Variants in CNIH3 observed in about 807,000 individuals in gnomAD.
The protein encoded by CNIH3 is protein cornichon homolog 3.
In CNIH3, 14 loss-of-function variants were observed where a neutral mutation model predicts 24.1. The ratio of observed to expected loss-of-function variants is 0.58; its 90% CI spans 0.38 to 0.91. The LOEUF is 0.91. Ranked by LOEUF, CNIH3 falls within the 40% of genes least tolerant of loss-of-function variation. The pLI is 0.00. For synonymous variants in CNIH3, 68 were observed against 73.8 expected, an observed-to-expected ratio of 0.92 and a Z score of 0.40; for missense variants, 178 against 196.8, an observed-to-expected ratio of 0.90 and a Z score of 0.57.
intron 1 of CNIH3, among the ~76,000 whole-genome samples, chr1:224,494,641 C>T (rs759738763): frequency 4.6e-4 from 70 of 152,200 alleles, no homozygotes; most frequent in Non-Finnish European, 8.5e-4. Flanking sequence ...ATGGTTCTTT[C>T]GGGGTTCCTT....
At chr1:224,736,471 A>C (rs1300854777) in intron 5 of CNIH3, among the ~76,000 whole-genome samples, 1 of 152,230 alleles carries the variant, frequency 6.6e-6, no homozygotes, top group Non-Finnish European at 1.5e-5. Flanking sequence ...AAAAGTCTTC[A>C]TCAAAGTGTG....
chr1:224,561,904 A>G (rs72760314), intron 3 of CNIH3, among the ~76,000 whole-genome samples: 4 of 152,328 alleles, frequency 2.6e-5, no homozygotes, highest in Non-Finnish European at 5.9e-5. Context: ...AGTTCAGGCC[A>G]AAAGAGAATG....
intron 5 of CNIH3, among the ~76,000 whole-genome samples, chr1:224,734,928 G>A (rs1689518641): frequency 1.3e-5 from 2 of 152,136 alleles, no homozygotes; most frequent in Admixed American, 1.3e-4. Context: ...CTGCTGATCG[G>A]CACATCCTTA....
At chr1:224,583,099 G>C (rs111895780) in intron 4 of CNIH3, 1 of 152,172 alleles carries the variant, frequency 6.6e-6, no homozygotes, top group Non-Finnish European at 1.5e-5. Flanking sequence ...GTTATTCTGG[G>C]TCCACTTGAG....
chr1:224,707,985 G>A (rs1040812893), intron 3 of CNIH3, among the ~76,000 whole-genome samples: 3 of 152,058 alleles, frequency 2.0e-5, no homozygotes, highest in Non-Finnish European at 4.4e-5. Context: ...ACTGTTGCAG[G>A]GTCCTCCTGC....
At chr1:224,607,743 T>C (rs1181169701) in intron 3 of CNIH3, among the ~76,000 whole-genome samples, 1 of 152,100 alleles carries the variant, frequency 6.6e-6, no homozygotes, top group African/African-American at 2.4e-5. Flanking sequence ...TACAAGGAGT[T>C]TCCTCCTGAG....
At chr1:224,626,215 G>T (rs999123553) in intron 1 of CNIH3, among the ~76,000 whole-genome samples, 3 of 152,196 alleles carry the variant, frequency 2.0e-5, no homozygotes, top group African/African-American at 7.2e-5. Flanking sequence ...GATCTGCAGG[G>T]TTGGAAGTGG....
At chr1:224,482,438 T>C (rs1437665133) in intron 1 of CNIH3, among the ~76,000 whole-genome samples, 1 of 152,066 alleles carries the variant, frequency 6.6e-6, no homozygotes, top group East Asian at 1.9e-4. Flanking sequence ...GCTCAAGGGC[T>C]CTTTAGTCAG....
intron 1 of CNIH3, among the ~76,000 whole-genome samples, chr1:224,641,051 T>A (rs1447538761): frequency 6.6e-6 from 1 of 152,216 alleles, no homozygotes; most frequent in East Asian, 1.9e-4. Flanking sequence ...GCAAGTGCAA[T>A]TCCTCAGGGG....
chr1:224,477,392 T>A (rs112933252), intron 1 of CNIH3, among the ~76,000 whole-genome samples: 243 of 152,368 alleles, frequency 1.6e-3, no homozygotes, highest in African/African-American at 5.7e-3. Flanking sequence ...AGGAGATTCT[T>A]CTGCCTGCTT....
At chr1:224,499,568 T>C (rs1677570584) in intron 1 of CNIH3, among the ~76,000 whole-genome samples, 1 of 152,196 alleles carries the variant, frequency 6.6e-6, no homozygotes, top group Non-Finnish European at 1.5e-5. Context: ...TTCAATGGGA[T>C]TTCCTACTGC....
intron 1 of CNIH3, among the ~76,000 whole-genome samples, chr1:224,660,717 C>T (rs1215622056): frequency 6.6e-6 from 1 of 152,100 alleles, no homozygotes; most frequent in Non-Finnish European, 1.5e-5. Flanking sequence ...AAGTATATTA[C>T]CATTAACGCA....
chr1:224,727,199 A>G (rs375168173), intron 3 of CNIH3, among the ~76,000 whole-genome samples: 3 of 152,202 alleles, frequency 2.0e-5, no homozygotes, highest in East Asian at 1.9e-4. Context: ...GAAGAGCACA[A>G]CTTTGCTTTT....
chr1:224,737,338 C>T (rs1018046133), intron 5 of CNIH3, among the ~76,000 whole-genome samples: 6 of 152,182 alleles, frequency 3.9e-5, no homozygotes, highest in Non-Finnish European at 7.4e-5. Context: ...TAATTCATTA[C>T]TTCAGTTTGG....
chr1:224,478,618 C>T (rs759270918), intron 1 of CNIH3, among the ~76,000 whole-genome samples: 2 of 152,140 alleles, frequency 1.3e-5, no homozygotes, highest in African/African-American at 2.4e-5. Flanking sequence ...TGAAAGGTCA[C>T]ATATCTCTGT....
intron 3 of CNIH3, among the ~76,000 whole-genome samples, chr1:224,728,439 C>T (rs1023899085): frequency 3.9e-5 from 6 of 152,162 alleles, no homozygotes; most frequent in African/African-American, 7.2e-5. Context: ...GTGGTACCTG[C>T]TTCACCCACC....
chr1:224,702,478 C>T (rs1687550132), intron 3 of CNIH3, among the ~76,000 whole-genome samples: 1 of 152,198 alleles, frequency 6.6e-6, no homozygotes, highest in African/African-American at 2.4e-5. Context: ...GTGTCTGTTT[C>T]CCCACACCAG....
intron 1 of CNIH3, among the ~76,000 whole-genome samples, chr1:224,481,108 G>T (rs1442291102): frequency 6.6e-6 from 1 of 152,236 alleles, no homozygotes; most frequent in Non-Finnish European, 1.5e-5. Flanking sequence ...ATCTTACATG[G>T]ATGGCAGCAG....
At chr1:224,487,450 C>G (rs1478572105) in intron 1 of CNIH3, among the ~76,000 whole-genome samples, 1 of 152,102 alleles carries the variant, frequency 6.6e-6, no homozygotes, top group Non-Finnish European at 1.5e-5. Context: ...GATCTTTTAC[C>G]CTCTAGGTTC....
Sources: allele counts gnomAD v4.1 joint callset (sites outside exome capture counted in the v4.1 genomes callset), GRCh38; gene constraint gnomAD v4.1.1; transcripts MANE v1.5; gene names NCBI Gene and HGNC (gene_info 2026-07-23, HGNC 2026-07-21).